Variants in ADORA1 observed in about 807,000 individuals in gnomAD.
The protein encoded by ADORA1 is adenosine A1 receptor.
Under a neutral mutation model 19.9 loss-of-function variants are expected in ADORA1, and 6 were observed. The ratio of observed to expected loss-of-function variants is 0.30; its 90% CI spans 0.17 to 0.59. ADORA1 has a LOEUF of 0.59. ADORA1 is among the 20% of genes least tolerant of loss of function. ADORA1 has a pLI of 0.87. For synonymous variants in ADORA1, 194 were observed against 188.4 expected, an observed-to-expected ratio of 1.03 and a Z score of -0.24; for missense variants, 302 against 439.2, an observed-to-expected ratio of 0.69 and a Z score of 2.79.
At chr1:203,149,035 G>A (rs1654949787) in intron 3 of ADORA1, among the ~76,000 whole-genome samples, 1 of 152,112 alleles carries the variant, frequency 6.6e-6, no homozygotes, top group Non-Finnish European at 1.5e-5. Flanking sequence ...ATGCCACCAA[G>A]ACTGGCTAAT....
intron 3 of ADORA1, among the ~76,000 whole-genome samples, chr1:203,147,479 G>C (rs921632160): frequency 6.6e-6 from 1 of 152,174 alleles, no homozygotes; most frequent in Non-Finnish European, 1.5e-5. Flanking sequence ...CCCCAAACAA[G>C]GTTGGAGAGA....
At chr1:203,137,207 C>A (rs1025944992) in intron 3 of ADORA1, among the ~76,000 whole-genome samples, 16 of 152,146 alleles carry the variant, frequency 1.1e-4, no homozygotes, top group African/African-American at 3.9e-4. Context: ...ACACACCATG[C>A]AGATATAGGG....
At chr1:203,153,148 T>TGTCA (rs1212221438) in intron 3 of ADORA1, among the ~76,000 whole-genome samples, 1 of 152,070 alleles carries the variant, frequency 6.6e-6, no homozygotes, top group Non-Finnish European at 1.5e-5. Context: ...GAGCTTGTGC[T>TGTCA]GTCAGTCATG....
intron 3 of ADORA1, among the ~76,000 whole-genome samples, chr1:203,151,790 A>C (rs1250229449): frequency 1.5e-5 from 1 of 67,576 alleles, no homozygotes; most frequent in East Asian, 1.1e-3. Flanking sequence ...GCATGCATGC[A>C]TTCATTCATT....
intron 3 of ADORA1, among the ~76,000 whole-genome samples, chr1:203,142,704 G>A (rs1485641026): frequency 6.6e-6 from 1 of 152,172 alleles, no homozygotes; most frequent in African/African-American, 2.4e-5. Context: ...GTGGGGAAGA[G>A]TGTTGACATG....
At chr1:203,146,066 C>T (rs1343056025) in intron 3 of ADORA1, among the ~76,000 whole-genome samples, 2 of 152,150 alleles carry the variant, frequency 1.3e-5, no homozygotes, top group African/African-American at 2.4e-5. Flanking sequence ...CCTCTGGGAG[C>T]CCAGGGGCTG....
Position 203,155,988 on chromosome 1 carries a change from TACTCACGTTGC to T in ADORA1, c.342-9271_342-9261del, listed in dbSNP as rs1317644816. 2.6e-5 allele frequency among the ~76,000 whole-genome samples: 4 copies of T among 152,390 alleles called. No homozygotes were observed. In the South Asian group the frequency reaches 6.2e-4, roughly 24 times the overall value. On this transcript the variant is annotated intron_variant, in intron 3 of 3. Coordinates refer to ENST00000337894, the MANE Select transcript of ADORA1 (RefSeq NM_000674.3). Reference sequence around the variant, plus strand: ...TCCTTATCTCTTGTTCCCTGAGATGTACTCACGTTGCAGGTCCTTGAGCAATCATTTCTGAA... The same window carrying T: ...TCCTTATCTCTTGTTCCCTGAGATGTAGGTCCTTGAGCAATCATTTCTGAA...
intron 3 of ADORA1, among the ~76,000 whole-genome samples, chr1:203,133,581 G>A (rs1654411964): frequency 6.6e-6 from 1 of 152,248 alleles, no homozygotes; most frequent in South Asian, 2.1e-4. Context: ...GAAGCTGTAG[G>A]ATTTTTGGAG....
chr1:203,142,689 T>C (rs1352093699), intron 3 of ADORA1, among the ~76,000 whole-genome samples: 1 of 152,132 alleles, frequency 6.6e-6, no homozygotes, highest in Non-Finnish European at 1.5e-5. Flanking sequence ...GCTGCCTGTT[T>C]GTATGTGGGG....
At position 203,166,005 on chromosome 1, in the gene ADORA1, T is replaced by A; in HGVS notation, c.*105T>A. On this transcript the variant is annotated 3_prime_UTR_variant, in exon 4 of 4. Transcript: ENST00000337894. ...CCCTGAGCCTGCCCCAGCTGGGCTG[T>A]TGGCTGGGGGCATGGGGGAGGCTCT... 1 of 1,395,966 alleles carries A rather than the reference T, an allele frequency of 7.2e-7. No individual in the cohort carries two copies. The highest frequency in any genetic ancestry group is 2.4e-5 in the East Asian group (1 of 40,870). 86.5% of individuals were successfully genotyped at this position (1,395,966 alleles called of 1,614,324 possible).
At chr1:203,131,239 T>C (rs1053074782) in intron 3 of ADORA1, among the ~76,000 whole-genome samples, 8 of 152,166 alleles carry the variant, frequency 5.3e-5, no homozygotes, top group African/African-American at 9.7e-5. Flanking sequence ...TGTCATTCGG[T>C]GTCAACACAT....
chr1:203,130,380 C>T (rs1654293829), intron 3 of ADORA1, among the ~76,000 whole-genome samples: 1 of 152,358 alleles, frequency 6.6e-6, no homozygotes, highest in South Asian at 2.1e-4. Context: ...CAGAGGGTCT[C>T]CTTGAAGCTC....
At chr1:203,152,431 C>T (rs529271558) in intron 3 of ADORA1, 2 of 152,292 alleles carry the variant, frequency 1.3e-5, no homozygotes, top group Non-Finnish European at 2.9e-5. Context: ...TGGGAAGCCG[C>T]ATAAAGCCAT....
intron 3 of ADORA1, among the ~76,000 whole-genome samples, chr1:203,162,260 C>G (rs1192135743): frequency 2.0e-5 from 3 of 152,140 alleles, no homozygotes; most frequent in Non-Finnish European, 2.9e-5. Context: ...GAGAAAATAG[C>G]AAGAAAAACA....
intron 3 of ADORA1, among the ~76,000 whole-genome samples, chr1:203,155,016 T>TTTATTATTATTATTA (rs4020534): frequency 4.9e-5 from 7 of 142,356 alleles, no homozygotes; most frequent in South Asian, 2.3e-4. Flanking sequence ...GCTCTTCCTA[T>TTTATTATTATTATTA]TTATTATTAT....
At chr1:203,141,515 A>G (rs1343101581) in intron 3 of ADORA1, among the ~76,000 whole-genome samples, 1 of 144,664 alleles carries the variant, frequency 6.9e-6, no homozygotes, top group Admixed American at 6.9e-5. Context: ...CTCACCAGTG[A>G]TTCTCTTGGG....
chr1:203,129,202 G>C lies in ADORA1; in HGVS notation c.341+20G>C, dbSNP rs1158478853. The C allele has an allele frequency of 6.3e-7, 1 of 1,589,412 alleles. No homozygotes were observed. The highest frequency in any genetic ancestry group is 2.2e-5 in the East Asian group (1 of 44,614). On this transcript the variant is annotated intron_variant, in intron 3 of 3. Transcript: ENST00000337894. ...TCTCCGGTGAGTCCACAGCGCCGAA[G>C]GTACTCGCAGCACCACATGATGGCT...
intron 3 of ADORA1, among the ~76,000 whole-genome samples, chr1:203,147,553 GGACCAGCA>G (rs1259072707): frequency 6.6e-6 from 1 of 152,188 alleles, no homozygotes; most frequent in African/African-American, 2.4e-5. Flanking sequence ...GCGTGGTCAG[GGACCAGCA>G]GCCTTGGCAT....
chr1:203,129,397 T>G, intron 3 of ADORA1: 1 of 650,782 alleles, frequency 1.5e-6, no homozygotes, highest in Non-Finnish European at 1.9e-6. Flanking sequence ...ACTGTGAACT[T>G]ACCAGTGCCC....
Sources: allele counts gnomAD v4.1 joint callset (sites outside exome capture counted in the v4.1 genomes callset), GRCh38; gene constraint gnomAD v4.1.1; transcripts MANE v1.5; gene names NCBI Gene and HGNC (gene_info 2026-07-23, HGNC 2026-07-21).